The following MYT1L variants were observed in gnomAD, a reference collection of about 807,000 sequenced individuals.
MYT1L encodes the protein myelin transcription factor 1-like protein.
In MYT1L, 12 loss-of-function variants were observed where a neutral mutation model predicts 126.7. The observed-to-expected ratio is 0.09, with a 90% confidence interval of 0.06 to 0.15. The LOEUF is 0.15. Ranked by LOEUF, MYT1L falls within the 10% of genes least tolerant of loss-of-function variation. MYT1L has a pLI of 1.00. For missense variants in MYT1L, 979 were observed against 1,585.2 expected (o/e 0.62, Z 6.49); for synonymous variants, 541 against 604.2 (o/e 0.90, Z 1.53).
At chr2:1,898,679 G>A (rs748658758) in intron 14 of MYT1L, among the ~76,000 whole-genome samples, 9 of 152,236 alleles carry the variant, frequency 5.9e-5, no homozygotes, top group Non-Finnish European at 1.0e-4. Context: ...GCAGAGTGTG[G>A]CACCGAGCTC....
In MYT1L at chr2:2,007,317, C is replaced by T. The variant is rs906964761; in HGVS notation, c.-157-9970G>A. Among the ~76,000 whole-genome samples the T allele has an allele frequency of 6.6e-5, 10 of 151,874 alleles. 1 individual carries two copies. The highest frequency in any genetic ancestry group is 5.2e-4 in the Admixed American group (8 of 15,246). ...GGCTTCCCTTTTGTCCACAACCTCA[C>T]CAACCCTTGCTATCTCTTGATTTTT... is the stretch of plus-strand genomic sequence containing the variant. On this transcript the variant is annotated intron_variant, in intron 4 of 24. Transcript: ENST00000647738.
intron 21 of MYT1L, among the ~76,000 whole-genome samples, chr2:1,814,183 C>T (rs2037262431): frequency 1.3e-5 from 2 of 152,126 alleles, no homozygotes; most frequent in Non-Finnish European, 2.9e-5. Context: ...GGCCAGCGAT[C>T]TTCTCTGCCG....
intron 2 of MYT1L, among the ~76,000 whole-genome samples, chr2:2,185,708 C>G (rs1180413904): frequency 1.5e-5 from 2 of 134,054 alleles, no homozygotes; most frequent in African/African-American, 2.9e-5. Context: ...CGGGCCTTCC[C>G]GAGTCCCGCG....
At chr2:1,817,598 C>T (rs879867262) in intron 21 of MYT1L, among the ~76,000 whole-genome samples, 1 of 152,220 alleles carries the variant, frequency 6.6e-6, no homozygotes. Context: ...CCGGTGACTG[C>T]ACTGCCAGCT....
chr2:2,168,413 T>C (rs78194286), intron 3 of MYT1L, among the ~76,000 whole-genome samples: 3,330 of 152,290 alleles, frequency 0.022, 112 homozygotes, highest in African/African-American at 0.076. Context: ...TTGGGGTGCA[T>C]ATGGAAAGTT....
intron 2 of MYT1L, among the ~76,000 whole-genome samples, chr2:2,210,326 A>T (rs1374136036): frequency 1.3e-5 from 2 of 152,176 alleles, no homozygotes; most frequent in Non-Finnish European, 2.9e-5. Context: ...TGCCCAGACC[A>T]ATATCCTAGA....
chr2:2,012,463 G>A (rs74396919), intron 4 of MYT1L, among the ~76,000 whole-genome samples: 5,134 of 152,274 alleles, frequency 0.034, 137 homozygotes, highest in Middle Eastern at 0.068. Flanking sequence ...GGCCAGAGTC[G>A]GGGAATGTGG....
rs1432533749 is a variant in MYT1L, at chr2:2,279,008, G to A, written c.-421+5396C>T. On this transcript the variant is annotated intron_variant, in intron 2 of 24. Transcript: ENST00000647738. ...TAGGGCTCTGCACTCCCCTCCCCAC[G>A]AGCCTGTGTCTCTGAGATGCAGGAA... 3.3e-5 allele frequency among the ~76,000 whole-genome samples: 5 copies of A among 152,200 alleles called. No individual in the cohort carries two copies. In the East Asian group the frequency reaches 5.8e-4, roughly 18 times the overall value.
intron 1 of MYT1L, among the ~76,000 whole-genome samples, chr2:2,306,827 A>T (rs2095865521): frequency 1.3e-5 from 2 of 152,204 alleles, no homozygotes; most frequent in African/African-American, 4.8e-5. Context: ...ATATACATCT[A>T]TGAAGAACAG....
At chr2:2,146,252 T>C (rs964003692) in intron 3 of MYT1L, among the ~76,000 whole-genome samples, 1 of 152,120 alleles carries the variant, frequency 6.6e-6, no homozygotes, top group Admixed American at 6.5e-5. Flanking sequence ...AGAAAACAGG[T>C]ATATGGATTT....
intron 3 of MYT1L, among the ~76,000 whole-genome samples, chr2:2,133,743 A>G (rs2082676386): frequency 6.6e-6 from 1 of 152,102 alleles, no homozygotes; most frequent in African/African-American, 2.4e-5. Flanking sequence ...TAAAGGTGGT[A>G]CCCACCCTCA....
At chr2:2,171,546 CTT>C (rs968376351) in intron 3 of MYT1L, among the ~76,000 whole-genome samples, 9 of 152,174 alleles carry the variant, frequency 5.9e-5, no homozygotes, top group African/African-American at 2.2e-4. Flanking sequence ...AGTTCAGAAA[CTT>C]TAACTGCTTC....
chr2:2,163,177 G>C (rs1369003474), intron 3 of MYT1L, among the ~76,000 whole-genome samples: 1 of 151,912 alleles, frequency 6.6e-6, no homozygotes, highest in Non-Finnish European at 1.5e-5. Flanking sequence ...AACGGTTCTG[G>C]GACCACCTCC....
intron 3 of MYT1L, among the ~76,000 whole-genome samples, chr2:2,109,877 A>T (rs1259378761): frequency 8.0e-4 from 11 of 13,748 alleles, no homozygotes; most frequent in East Asian, 3.2e-3. Flanking sequence ...TGCTGATTTT[A>T]TATATATATA....
intron 18 of MYT1L, among the ~76,000 whole-genome samples, chr2:1,851,999 G>A (rs913782666): frequency 1.1e-4 from 16 of 152,054 alleles, no homozygotes; most frequent in Non-Finnish European, 2.2e-4. Flanking sequence ...CTAACAGCCC[G>A]CCTTTCCTCC....
intron 3 of MYT1L, among the ~76,000 whole-genome samples, chr2:2,061,097 A>T (rs934566846): frequency 6.6e-6 from 1 of 152,210 alleles, no homozygotes; most frequent in Admixed American, 6.5e-5. Flanking sequence ...AATAGACGTG[A>T]CTTAGAGAGT....
chr2:2,072,434 C>T (rs924918153), intron 3 of MYT1L, among the ~76,000 whole-genome samples: 17 of 152,296 alleles, frequency 1.1e-4, no homozygotes, highest in Admixed American at 2.6e-4. Flanking sequence ...AATTATTACC[C>T]ACTGCCCCAT....
intron 3 of MYT1L, among the ~76,000 whole-genome samples, chr2:2,084,867 T>C (rs1043615101): frequency 1.3e-5 from 2 of 152,240 alleles, no homozygotes; most frequent in African/African-American, 4.8e-5. Flanking sequence ...TATAACCTGG[T>C]GTAAACGTTG....
chr2:2,312,565 A>G (rs1307223936), intron 1 of MYT1L, among the ~76,000 whole-genome samples: 2 of 152,142 alleles, frequency 1.3e-5, no homozygotes, highest in Non-Finnish European at 1.5e-5. Flanking sequence ...GTGAGCTGTG[A>G]TTGCACCATG....
Sources: gnomAD v4.1 joint callset for allele counts (sites outside exome capture counted in the v4.1 genomes callset) on GRCh38, gnomAD v4.1.1 for gene constraint, MANE v1.5 for transcripts, NCBI Gene and HGNC (gene_info 2026-07-23, HGNC 2026-07-21) for gene names.